The following MROH9 variants were observed in gnomAD, a reference collection of about 807,000 sequenced individuals.
MROH9 encodes the protein maestro heat like repeat family member 9.
Under a neutral mutation model 98.2 loss-of-function variants are expected in MROH9, and 92 were observed. The observed-to-expected ratio is 0.94, with a 90% confidence interval of 0.79 to 1.11. MROH9 has a LOEUF of 1.11. MROH9 is among the 50% of genes most tolerant of loss of function. The probability of loss-of-function intolerance (pLI) is 0.00; values close to 1 mark genes in which losing one functional copy is unlikely to be tolerated. For synonymous variants in MROH9, 397 were observed against 368.9 expected, an observed-to-expected ratio of 1.08 and a Z score of -0.87; for missense variants, 1,057 against 1,014.8, an observed-to-expected ratio of 1.04 and a Z score of -0.57.
chr1:171,021,631 AC>A (rs1212202839), intron 17 of MROH9, among the ~76,000 whole-genome samples: 2 of 144,608 alleles, frequency 1.4e-5, no homozygotes, highest in East Asian at 3.8e-4. Context: ...TAAATGTAAG[AC>A]CCCAAACCAT....
chr1:171,033,399 G>A (rs1652992540), intron 20 of MROH9, among the ~76,000 whole-genome samples: 1 of 152,022 alleles, frequency 6.6e-6, no homozygotes, highest in Non-Finnish European at 1.5e-5. Context: ...GCGTGGGTTC[G>A]TGAATGGGAT....
intron 20 of MROH9, among the ~76,000 whole-genome samples, chr1:171,059,913 T>C (rs1653962494): frequency 1.3e-5 from 2 of 151,770 alleles, no homozygotes; most frequent in African/African-American, 4.8e-5. Context: ...ACTTAGAGGA[T>C]GGGTCAATAG....
chr1:170,984,780 T>C (rs1651066333), intron 9 of MROH9, among the ~76,000 whole-genome samples: 1 of 152,164 alleles, frequency 6.6e-6, no homozygotes, highest in African/African-American at 2.4e-5. Flanking sequence ...TTCCCAATTG[T>C]GAGACCAAAG....
intron 20 of MROH9, among the ~76,000 whole-genome samples, chr1:171,029,274 A>T (rs181244821): frequency 6.6e-6 from 1 of 151,932 alleles, no homozygotes; most frequent in Admixed American, 6.6e-5. Context: ...GCAGTGGCAC[A>T]ATCTCGGCTC....
At chr1:170,962,185 C>T (rs17621423) in intron 6 of MROH9, among the ~76,000 whole-genome samples, 12,146 of 152,090 alleles carry the variant, frequency 0.08, 623 homozygotes, top group Non-Finnish European at 0.11. Context: ...GGAAGGACAG[C>T]ATCAACAGGT....
At chr1:171,032,244 G>A (rs1471596510) in intron 20 of MROH9, among the ~76,000 whole-genome samples, 1 of 152,176 alleles carries the variant, frequency 6.6e-6, no homozygotes, top group Non-Finnish European at 1.5e-5. Flanking sequence ...GTGCAGCATA[G>A]TTTTTTATTA....
chr1:170,939,099 G>T (rs1649014581), intron 1 of MROH9, among the ~76,000 whole-genome samples: 1 of 152,218 alleles, frequency 6.6e-6, no homozygotes, highest in African/African-American at 2.4e-5. Context: ...GCCCTTTGGT[G>T]AATATTTACA....
At chr1:170,981,391 A>C (rs1165887842) in intron 8 of MROH9, among the ~76,000 whole-genome samples, 4 of 152,236 alleles carry the variant, frequency 2.6e-5, no homozygotes, top group East Asian at 1.9e-4. Context: ...CTGGATAAAG[A>C]AAATGTGGTA....
chr1:170,998,751 A>G (rs1421234839), intron 15 of MROH9: 1 of 985,266 alleles, frequency 1.0e-6, no homozygotes, highest in Admixed American at 6.1e-5. Context: ...CTATAATGGA[A>G]TCAAGCAAAT....
intron 8 of MROH9, among the ~76,000 whole-genome samples, chr1:170,982,357 T>C (rs2421521): frequency 0.85 from 129,118 of 152,140 alleles, 55,221 homozygotes; most frequent in Middle Eastern, 0.99. Flanking sequence ...AAAAAGAGTA[T>C]ATATGGTATG....
chr1:170,958,736 G>A (rs955306835), intron 4 of MROH9, among the ~76,000 whole-genome samples, 196 bp downstream of exon 4: 2 of 152,178 alleles, frequency 1.3e-5, no homozygotes, highest in African/African-American at 4.8e-5. Context: ...CTTTCTAGCT[G>A]CTGAGGCAAG....
At chr1:171,039,451 C>T (rs1653225740) in intron 20 of MROH9, among the ~76,000 whole-genome samples, 1 of 152,166 alleles carries the variant, frequency 6.6e-6, no homozygotes. Flanking sequence ...AAAATGTTTG[C>T]TCCAGCTCCT....
chr1:171,049,233 A>G (rs1359142701), intron 20 of MROH9, among the ~76,000 whole-genome samples: 1 of 152,196 alleles, frequency 6.6e-6, no homozygotes, highest in Non-Finnish European at 1.5e-5. Flanking sequence ...GAGCATGCAT[A>G]GTACCTGGTT....
At chr1:171,025,526 G>C (rs1428336876) in intron 20 of MROH9, 106 bp downstream of exon 20, 4 of 691,934 alleles carry the variant, frequency 5.8e-6, no homozygotes, top group Non-Finnish European at 9.8e-6. Flanking sequence ...TGTTTATGAG[G>C]GACAGCACCT....
chr1:171,053,855 G>A (rs1571171206), intron 20 of MROH9, among the ~76,000 whole-genome samples: 1 of 152,192 alleles, frequency 6.6e-6, no homozygotes, highest in East Asian at 1.9e-4. Context: ...AAGAGTGTAA[G>A]ATAATATCAG....
At chr1:170,939,100 A>T (rs1649014680) in intron 1 of MROH9, among the ~76,000 whole-genome samples, 1 of 152,222 alleles carries the variant, frequency 6.6e-6, no homozygotes, top group African/African-American at 2.4e-5. Flanking sequence ...CCCTTTGGTG[A>T]ATATTTACAG....
At chr1:170,989,332 G>C (rs550624174) in intron 10 of MROH9, among the ~76,000 whole-genome samples, 2 of 152,188 alleles carry the variant, frequency 1.3e-5, no homozygotes, top group Admixed American at 6.6e-5. Context: ...GAGTAAAAAG[G>C]GGGAAAAATG....
intron 4 of MROH9, 42 bp from the exon 5 acceptor site, chr1:170,959,419 AT>A: frequency 1.3e-6 from 2 of 1,518,122 alleles, no homozygotes; most frequent in African/African-American, 1.4e-5. Context: ...TTTCTATTAT[AT>A]TTGTTTTCTC....
intron 20 of MROH9, among the ~76,000 whole-genome samples, chr1:171,055,836 C>A (rs1653822458): frequency 6.6e-6 from 1 of 152,222 alleles, no homozygotes; most frequent in East Asian, 1.9e-4. Flanking sequence ...ACTGACCAGG[C>A]AGCTGGTGTG....
Sources: gnomAD v4.1 joint callset for allele counts (sites outside exome capture counted in the v4.1 genomes callset) on GRCh38, gnomAD v4.1.1 for gene constraint, MANE v1.5 for transcripts, NCBI Gene and HGNC (gene_info 2026-07-23, HGNC 2026-07-21) for gene names.